The following LDAH variants were observed in gnomAD, a reference collection of about 807,000 sequenced individuals.
LDAH encodes the protein lipid droplet associated hydrolase.
A neutral mutation model predicts 29.6 loss-of-function variants in LDAH; 26 were observed. The ratio of observed to expected loss-of-function variants is 0.88; its 90% CI spans 0.64 to 1.22. The LOEUF (loss-of-function observed/expected upper bound fraction) is 1.22. Ranked by LOEUF, LDAH falls within the 50% of genes most tolerant of loss-of-function variation. The pLI is 0.00. For missense variants in LDAH, 344 were observed against 387.3 expected (o/e 0.89, Z 0.94); for synonymous variants, 117 against 133.0 (o/e 0.88, Z 0.83).
chr2:20,805,163 G>A (rs1671973829), intron 1 of LDAH, among the ~76,000 whole-genome samples: 1 of 151,914 alleles, frequency 6.6e-6, no homozygotes, highest in African/African-American at 2.4e-5. Context: ...TGACATTGTG[G>A]GAGCTTGATT....
rs530801409 is a variant in LDAH at position 20,711,830 on chromosome 2, G to T, written c.704-10178C>A. Among the ~76,000 whole-genome samples the T allele has an allele frequency of 8.5e-5, 13 of 152,336 alleles. No individual in the cohort carries two copies. In the East Asian group the frequency reaches 2.5e-3, roughly 29 times the overall value. Reference sequence around the variant, plus strand: ...GACCTGCAAGGCAGCAGCCCGGCAGGGGGAGGGGCGTCCACCATTGCTGAG... The same window carrying T: ...GACCTGCAAGGCAGCAGCCCGGCAGTGGGAGGGGCGTCCACCATTGCTGAG... On this transcript the variant is annotated intron_variant, in intron 5 of 6. Coordinates refer to ENST00000237822, the MANE Select transcript of LDAH (RefSeq NM_021925.4).
chr2:20,688,675 C>A (rs1419475253), intron 6 of LDAH, among the ~76,000 whole-genome samples: 1 of 152,080 alleles, frequency 6.6e-6, no homozygotes, highest in African/African-American at 2.4e-5. Flanking sequence ...CAATGGCCTT[C>A]ATTACAATAA....
At chr2:20,708,337 C>G (rs985543762) in intron 5 of LDAH, among the ~76,000 whole-genome samples, 1 of 152,126 alleles carries the variant, frequency 6.6e-6, no homozygotes, top group African/African-American at 2.4e-5. Context: ...CATTCTGGTA[C>G]CAACTAACAG....
chr2:20,811,300 G>A (rs1324959520), intron 1 of LDAH, among the ~76,000 whole-genome samples: 4 of 152,000 alleles, frequency 2.6e-5, no homozygotes, highest in Non-Finnish European at 5.9e-5. Flanking sequence ...TTACAGGCGT[G>A]AGCGGCCGCG....
chr2:20,801,314 A>G lies in LDAH; in HGVS notation c.150T>C (p.Ile50=), dbSNP rs1251746001. The G allele has an allele frequency of 6.2e-7, 1 of 1,613,324 alleles. No individual in the cohort carries two copies. Among genetic ancestry groups the G allele is most frequent in the African/African-American group, 1.3e-5 (1 of 74,888 alleles). The part of the protein sequence containing the change: ...VKRPKLLIFI[I]PGNPGFSAFY... ...CACCCAGACTTTTACGCTCACCAGG[A>G]ATAATGAAAATAAGCAGCTTAGGCC... The change falls in exon 2 of 7, where the codon ATT becomes ATC. Residue 50 remains isoleucine (I), a synonymous_variant. Transcript: ENST00000237822.
At chr2:20,763,081 C>T (rs1668800001) in intron 4 of LDAH, among the ~76,000 whole-genome samples, 1 of 152,146 alleles carries the variant, frequency 6.6e-6, no homozygotes, top group African/African-American at 2.4e-5. Flanking sequence ...AGTTTTGACC[C>T]TAATAATTCA....
intron 5 of LDAH, among the ~76,000 whole-genome samples, chr2:20,707,727 G>A (rs1664416920): frequency 1.3e-5 from 2 of 152,224 alleles, no homozygotes; most frequent in Admixed American, 1.3e-4. Flanking sequence ...AATAGTCACT[G>A]TTTCTACCAG....
chr2:20,728,746 A>C (rs1292649230), intron 5 of LDAH, among the ~76,000 whole-genome samples: 2 of 152,180 alleles, frequency 1.3e-5, no homozygotes, highest in African/African-American at 4.8e-5. Flanking sequence ...CAAAGAAGAA[A>C]GAAGACAGGT....
chr2:20,703,867 G>A (rs1404101038), intron 5 of LDAH, among the ~76,000 whole-genome samples: 1 of 152,108 alleles, frequency 6.6e-6, no homozygotes, highest in African/African-American at 2.4e-5. Context: ...TTTATGCCAG[G>A]CCTTATTTTA....
At chr2:20,809,576 G>A (rs1672329911) in intron 1 of LDAH, among the ~76,000 whole-genome samples, 1 of 151,824 alleles carries the variant, frequency 6.6e-6, no homozygotes, top group South Asian at 2.1e-4. Flanking sequence ...CTGTTGTTAG[G>A]AAATATATAT....
chr2:20,821,799 C>T (rs2125185405), intron 1 of LDAH, among the ~76,000 whole-genome samples: 1 of 152,010 alleles, frequency 6.6e-6, no homozygotes, highest in African/African-American at 2.4e-5. Context: ...AGAAAAAATC[C>T]TCCAGTCTGA....
intron 1 of LDAH, among the ~76,000 whole-genome samples, chr2:20,817,825 T>G (rs1160906371): frequency 1.3e-5 from 2 of 152,058 alleles, no homozygotes; most frequent in Non-Finnish European, 2.9e-5. Context: ...CAGCAATAAA[T>G]AAAGAAATGC....
chr2:20,763,261 G>C (rs1668810730), intron 4 of LDAH, among the ~76,000 whole-genome samples: 2 of 152,184 alleles, frequency 1.3e-5, no homozygotes, highest in Admixed American at 1.3e-4. Flanking sequence ...TATTCCTCCT[G>C]CTTCCAAGGG....
At chr2:20,693,411 A>G (rs1049219173) in intron 6 of LDAH, among the ~76,000 whole-genome samples, 27 of 152,228 alleles carry the variant, frequency 1.8e-4, no homozygotes, top group African/African-American at 6.3e-4. Flanking sequence ...ACATTTTTTA[A>G]AATATAAAAC....
chr2:20,752,235 A>C (rs1668019608), intron 4 of LDAH, among the ~76,000 whole-genome samples: 1 of 152,174 alleles, frequency 6.6e-6, no homozygotes, highest in African/African-American at 2.4e-5. Flanking sequence ...TTCAATTTAA[A>C]AATATCAGTG....
chr2:20,814,229 T>TGAA (rs1491409261), intron 1 of LDAH, among the ~76,000 whole-genome samples: 1 of 132,328 alleles, frequency 7.6e-6, no homozygotes, highest in African/African-American at 2.7e-5. Context: ...AGTCTGACAA[T>TGAA]GGGGGGGGGG....
intron 6 of LDAH, among the ~76,000 whole-genome samples, chr2:20,700,214 G>A (rs1340235810): frequency 6.6e-6 from 1 of 152,172 alleles, no homozygotes; most frequent in East Asian, 1.9e-4. Flanking sequence ...CTGGAGAGGG[G>A]GCCCTCCTGA....
downstream of LDAH, among the ~76,000 whole-genome samples, chr2:20,682,848 C>G (rs1558367314): frequency 6.6e-6 from 1 of 152,136 alleles, no homozygotes; most frequent in South Asian, 2.1e-4. Context: ...TAGCAAGGCA[C>G]CTCAGTGGTA....
chr2:20,757,084 T>A (rs1393773698), intron 4 of LDAH, among the ~76,000 whole-genome samples: 1 of 152,206 alleles, frequency 6.6e-6, no homozygotes, highest in Non-Finnish European at 1.5e-5. Context: ...GAAAGTTTTT[T>A]AAAGTCCCCT....
Sources: gnomAD v4.1 joint callset for allele counts (sites outside exome capture counted in the v4.1 genomes callset) on GRCh38, gnomAD v4.1.1 for gene constraint, MANE v1.5 for transcripts, NCBI Gene and HGNC (gene_info 2026-07-23, HGNC 2026-07-21) for gene names.